The following TSEN34 variants were observed in gnomAD, a reference collection of about 807,000 sequenced individuals.
The protein encoded by TSEN34 is tRNA splicing endonuclease subunit 34, also known as tRNA-splicing endonuclease subunit Sen34.
TSEN34 carries 25 observed loss-of-function variants against 30.2 expected under a neutral mutation model. The ratio of observed to expected loss-of-function variants is 0.83; its 90% CI spans 0.60 to 1.16. TSEN34 has a LOEUF of 1.16. Among genes scored for constraint, TSEN34 ranks in the 50% most tolerant of loss-of-function variants. The pLI is 0.00. For missense variants in TSEN34, 475 were observed against 411.9 expected (o/e 1.15, Z -1.33); for synonymous variants, 209 against 177.4 (o/e 1.18, Z -1.41).
upstream of TSEN34, chr19:54,190,110 C>A (rs1279990141): frequency 1.6e-5 from 9 of 548,048 alleles, no homozygotes; most frequent in Non-Finnish European, 2.9e-5. Context: ...GGGACCGGGC[C>A]AGGATGACGA....
upstream of TSEN34, chr19:54,189,571 G>C (rs1254219470): frequency 1.3e-5 from 2 of 152,668 alleles, no homozygotes. Context: ...TTCGAGTCCA[G>C]GTCCACACTG....
chr19:54,193,211 A>G lies in TSEN34; in HGVS notation c.782A>G (p.Gln261Arg), dbSNP rs1157444538. 1.2e-6 allele frequency: 2 copies of G among 1,613,776 alleles called. No homozygotes were observed. Among genetic ancestry groups the G allele is most frequent in the Non-Finnish European group, 1.7e-6 (2 of 1,179,990 alleles). Reference protein sequence around the residue: ...PLRFHAHYIAQCWAPEDTIPL... With the variant: ...PLRFHAHYIARCWAPEDTIPL... ...CGCTTCCACGCCCATTATATCGCTC[A>G]GTGCTGGGCCCCTGAGGACACCATC... The change falls in exon 4 of 4, where the codon CAG (glutamine) becomes CGG (arginine). Residue 261 changes from glutamine (Q) to arginine (R), a missense_variant. Transcript: ENST00000396388.
Position 54,191,626 on chromosome 19 carries a change from A to G in TSEN34, c.243+19A>G, listed in dbSNP as rs147971748. 3.2e-4 allele frequency: 514 copies of G among 1,605,654 alleles called. 8 individuals are homozygous for G. In the East Asian group the frequency reaches 8.5e-3, roughly 27 times the overall value. On this transcript the variant is annotated intron_variant, in intron 1 of 3. Coordinates refer to ENST00000396388, the MANE Select transcript of TSEN34 (RefSeq NM_001077446.4). ...CAGCCTGGTAAGGGGGCGGGGCTCG[A>G]ACTCGGGTTCGGTGGGAGCGGGACC... is the stretch of plus-strand genomic sequence containing the variant.
chr19:54,191,653 G>A (rs1352201965), intron 1 of TSEN34, 46 bp downstream of exon 1: 1 of 1,609,730 alleles, frequency 6.2e-7, no homozygotes, highest in East Asian at 2.2e-5. Flanking sequence ...AGCGGGACCT[G>A]GGAGTCAAGT....
upstream of TSEN34, chr19:54,189,904 CGGGGCCACAGACTCGGCCGGATGTGGGT>C (rs936117134): frequency 4.5e-5 from 11 of 247,154 alleles, no homozygotes; most frequent in Non-Finnish European, 8.9e-5. Flanking sequence ...CCGATGTGGG[CGGGGCCACAGACTCGGCCGGATGTGGGT>C]GGGGCCACAA....
In TSEN34 at chr19:54,191,607, G is replaced by T; in HGVS notation, c.243G>T (p.Leu81=). The T allele has an allele frequency of 6.2e-7, 1 of 1,604,052 alleles. No individual in the cohort carries two copies. Among genetic ancestry groups the T allele is most frequent in the Non-Finnish European group, 8.5e-7 (1 of 1,179,276 alleles). The stretch of plus-strand genomic sequence containing the variant: ...GTCCAGACTCTCGGCACCACAGCCT[G>T]GTAAGGGGGCGGGGCTCGAACTCGG... The part of the protein sequence containing the change: ...APRPDSRHHS[L]ALTSFKRQQE... The change falls in exon 1 of 4, where the codon CTG becomes CTT. Residue 81 remains leucine, a splice_region_variant and synonymous_variant. Transcript: ENST00000396388.
intron 3 of TSEN34, 35 bp from the exon 4 acceptor site, chr19:54,193,140 T>C: frequency 1.2e-6 from 2 of 1,612,270 alleles, no homozygotes; most frequent in South Asian, 1.1e-5. Context: ...CGTCTGCCAT[T>C]GGTCACTGCT....
chr19:54,189,591 C>A (rs6509849), upstream of TSEN34: 7,116 of 152,724 alleles, frequency 0.047, 231 homozygotes, highest in Middle Eastern at 0.085. Context: ...GGGATCCGAG[C>A]TCCGAGTACG....
At chr19:54,193,013 A>AAAAAG (rs2076764126) in intron 3 of TSEN34, among the ~76,000 whole-genome samples, 162 bp from the exon 4 acceptor site, 1 of 151,762 alleles carries the variant, frequency 6.6e-6, no homozygotes, top group Non-Finnish European at 1.5e-5. Context: ...CTCAAAAAAA[A>AAAAAG]AAAAAAAGCC....
rs1297779851 is a variant in TSEN34, at chr19:54,193,195, G to A, written c.766G>A (p.Ala256Thr). The stretch of plus-strand genomic sequence containing the variant: ...CCCAGGTGACCCCCTCCGCTTCCAC[G>A]CCCATTATATCGCTCAGTGCTGGGC... ...VYPGDPLRFH[A>T]HYIAQCWAPE... Residue 256 changes from alanine (A) to threonine (T), a missense_variant, in exon 4 of 4, where the codon GCC (alanine) becomes ACC (threonine). By Grantham distance (58) the Ala-to-Thr change is moderately conservative. Transcript: ENST00000396388. 3.1e-6 allele frequency: 5 copies of A among 1,613,634 alleles called. No homozygotes were observed. The highest frequency in any genetic ancestry group is 1.3e-5 in the African/African-American group (1 of 74,816).
chr19:54,193,165 C>G lies in TSEN34; in HGVS notation c.746-10C>G. On this transcript the variant is annotated splice_polypyrimidine_tract_variant and intron_variant, in intron 3 of 3. Coordinates refer to ENST00000396388, the MANE Select transcript of TSEN34 (RefSeq NM_001077446.4). ...TGGTCACTGCTTCAGTGCCTCTCTCCTTCCCCCAGGTGACCCCCTCCGCTT... is the reference window on the plus strand; with the variant it reads ...TGGTCACTGCTTCAGTGCCTCTCTCGTTCCCCCAGGTGACCCCCTCCGCTT... 1.9e-6 allele frequency: 3 copies of G among 1,612,990 alleles called. No individual in the cohort carries two copies. Among genetic ancestry groups the G allele is most frequent in the Non-Finnish European group, 2.5e-6 (3 of 1,179,974 alleles).
upstream of TSEN34, chr19:54,190,244 TCC>T: frequency 1.0e-6 from 1 of 968,748 alleles, no homozygotes; most frequent in Non-Finnish European, 1.6e-6. Context: ...GGACCTGACT[TCC>T]CGCGGCGCTG....
Position 54,191,478 on chromosome 19 carries a change from C to G in TSEN34, c.114C>G (p.Arg38=), listed in dbSNP as rs2076693261. The G allele has an allele frequency of 2.6e-6, 4 of 1,553,102 alleles. No homozygotes were observed. In the African/African-American group the frequency reaches 4.1e-5, roughly 16 times the overall value. ...GCCGCACGGTAGGCGCCCTGCCCCG[C>G]GGGCCCCGCCAGAACTCGCGCCTGG... The part of the protein sequence containing the change: ...VGGRTVGALP[R]GPRQNSRLGL... The change falls in exon 1 of 4, where the codon CGC becomes CGG. Residue 38 remains arginine, a synonymous_variant. Transcript: ENST00000396388.
chr19:54,190,079 C>G, upstream of TSEN34: 1 of 527,898 alleles, frequency 1.9e-6, no homozygotes, highest in Non-Finnish European at 3.3e-6. Context: ...GGCGGAACCC[C>G]GAGGGCCGGC....
rs1244157256 is a variant in TSEN34 at position 54,193,554 on chromosome 19, G to A, written c.*192G>A. 2.6e-6 allele frequency: 4 copies of A among 1,534,650 alleles called. No individual in the cohort carries two copies. Among genetic ancestry groups the A allele is most frequent in the Non-Finnish European group, 8.7e-7 (1 of 1,145,160 alleles). ...AGCACTTATTGGCTGTGTTTTTGTA[G>A]TTACCTATTTTCACACTGTGAGCTT... On this transcript the variant is annotated 3_prime_UTR_variant, in exon 4 of 4. Coordinates refer to ENST00000396388, the MANE Select transcript of TSEN34 (RefSeq NM_001077446.4).
At position 54,192,217 on chromosome 19, in the gene TSEN34, G is replaced by C; in HGVS notation, c.589G>C (p.Ala197Pro). 1 of 1,614,146 alleles carries C rather than the reference G, an allele frequency of 6.2e-7. No individual in the cohort carries two copies. The highest frequency in any genetic ancestry group is 8.5e-7 in the Non-Finnish European group (1 of 1,180,004). The change falls in exon 3 of 4, where the codon GCC becomes CCC. Residue 197 changes from alanine (A) to proline (P), a missense_variant. Transcript: ENST00000396388. ...CACTGCCAGGCCTCGACCGGTCAAG[G>C]CCAGGCCCCTGGACTGGCGTGTCCA... Reference protein sequence around the residue: ...LATARPRPVKARPLDWRVQSK... With the variant: ...LATARPRPVKPRPLDWRVQSK...
rs770984814 is a variant in TSEN34 at position 54,193,334 on chromosome 19, C to A, written c.905C>A (p.Thr302Asn). 1 of 1,614,082 alleles carries A rather than the reference C, an allele frequency of 6.2e-7. No individual in the cohort carries two copies. The highest frequency in any genetic ancestry group is 8.5e-7 in the Non-Finnish European group (1 of 1,180,050). ...SPQPDGKVVY[T>N]SLQWASLQ Reference sequence around the variant, plus strand: ...CAGCCTGATGGTAAGGTGGTCTACACCTCCCTGCAATGGGCCAGCCTGCAG... The same window carrying A: ...CAGCCTGATGGTAAGGTGGTCTACAACTCCCTGCAATGGGCCAGCCTGCAG... The change falls in exon 4 of 4, where the codon ACC becomes AAC. Residue 302 changes from threonine (T) to asparagine (N), a missense_variant. Thr to Asn is a moderately conservative substitution (Grantham distance 65, BLOSUM62 0). Coordinates refer to ENST00000396388, the MANE Select transcript of TSEN34 (RefSeq NM_001077446.4).
chr19:54,191,127 G>C, upstream of TSEN34: 1 of 1,351,416 alleles, frequency 7.4e-7, no homozygotes, highest in Non-Finnish European at 9.5e-7. Flanking sequence ...AGGGGAGAGG[G>C]TCGGGGGCTT....
upstream of TSEN34, chr19:54,190,164 T>C (rs369598956): frequency 8.7e-6 from 5 of 575,078 alleles, no homozygotes; most frequent in African/African-American, 4.0e-5. Flanking sequence ...CAGAGGGAGG[T>C]GCGCTCAGTG....
Sources: gnomAD v4.1 joint callset for allele counts (sites outside exome capture counted in the v4.1 genomes callset) on GRCh38, gnomAD v4.1.1 for gene constraint, MANE v1.5 for transcripts, NCBI Gene and HGNC (gene_info 2026-07-23, HGNC 2026-07-21) for gene names.